Variants in HCN1 observed in about 807,000 individuals in gnomAD.
HCN1 encodes potassium/sodium hyperpolarization-activated cyclic nucleotide-gated channel 1.
HCN1 carries 13 observed loss-of-function variants against 78.9 expected under a neutral mutation model. That is an observed-to-expected ratio of 0.16 (90% CI 0.11 to 0.26). The LOEUF is 0.26. Ranked by LOEUF, HCN1 falls within the 10% of genes least tolerant of loss-of-function variation. The pLI, the probability that HCN1 is intolerant of heterozygous loss-of-function variation, is 1.00. For synonymous variants in HCN1, 552 were observed against 455.5 expected (o/e 1.21, Z -2.70); for missense variants, 810 against 1,154.3 (o/e 0.70, Z 4.32).
chr5:45,336,683 C>T (rs1293605122), intron 5 of HCN1, among the ~76,000 whole-genome samples: 4 of 151,892 alleles, frequency 2.6e-5, no homozygotes. Flanking sequence ...GACTGGGTGG[C>T]TTATGAATAA....
intron 6 of HCN1, among the ~76,000 whole-genome samples, chr5:45,270,751 C>T (rs1001157021): frequency 6.6e-6 from 1 of 151,928 alleles, no homozygotes; most frequent in Non-Finnish European, 1.5e-5. Flanking sequence ...TTACAAAGAG[C>T]ATGTGTTTAT....
chr5:45,667,653 T>C (rs1236930406), intron 1 of HCN1, among the ~76,000 whole-genome samples: 1 of 152,036 alleles, frequency 6.6e-6, no homozygotes, highest in African/African-American at 2.4e-5. Flanking sequence ...CTGCAAGTTA[T>C]AAACTCAAAC....
chr5:45,373,702 C>T (rs1196758161), intron 4 of HCN1, among the ~76,000 whole-genome samples: 11 of 116,896 alleles, frequency 9.4e-5, no homozygotes, highest in Admixed American at 3.3e-4. Flanking sequence ...ACGGTATATA[C>T]GTCATCTATA....
chr5:45,379,371 G>T (rs1055769699), intron 4 of HCN1, among the ~76,000 whole-genome samples: 44 of 152,030 alleles, frequency 2.9e-4, no homozygotes, highest in Non-Finnish European at 5.6e-4. Context: ...ATTTTTCATG[G>T]TCTCTGAATT....
intron 2 of HCN1, chr5:45,558,776 T>G (rs1743529081): frequency 6.6e-6 from 1 of 152,010 alleles, no homozygotes; most frequent in African/African-American, 2.4e-5. Flanking sequence ...TAGTATTTAT[T>G]TATTTATTTA....
intron 5 of HCN1, among the ~76,000 whole-genome samples, chr5:45,306,863 G>A (rs1745745423): frequency 6.6e-6 from 1 of 152,016 alleles, no homozygotes; most frequent in South Asian, 2.1e-4. Flanking sequence ...TGCTTGCTAA[G>A]GAAGGCAAAC....
intron 1 of HCN1, 26 bp downstream of exon 1, chr5:45,695,643 G>C (rs756164873): frequency 6.2e-7 from 1 of 1,606,476 alleles, no homozygotes; most frequent in South Asian, 1.1e-5. Context: ...TGAAGGGAGG[G>C]TGGGGCGGCG....
At chr5:45,504,153 AG>A (rs754971194) in intron 2 of HCN1, among the ~76,000 whole-genome samples, 7 of 152,056 alleles carry the variant, frequency 4.6e-5, no homozygotes, top group African/African-American at 4.8e-5. Flanking sequence ...CACAATGTGC[AG>A]GTTTGTTACA....
intron 2 of HCN1, among the ~76,000 whole-genome samples, chr5:45,567,558 TACACACACACACAC>T (rs36230541): frequency 2.0e-4 from 26 of 133,024 alleles, no homozygotes; most frequent in African/African-American, 4.5e-4. Flanking sequence ...CATTTTAGGC[TACACACACACACAC>T]ACACACACAC....
At chr5:45,346,534 C>T (rs1299323905) in intron 5 of HCN1, among the ~76,000 whole-genome samples, 3 of 152,066 alleles carry the variant, frequency 2.0e-5, no homozygotes, top group East Asian at 1.9e-4. Flanking sequence ...GTGCAGTGCA[C>T]CATGAGCGAG....
chr5:45,373,320 A>G (rs1747473706), intron 4 of HCN1, among the ~76,000 whole-genome samples: 1 of 118,806 alleles, frequency 8.4e-6, no homozygotes, highest in South Asian at 2.4e-4. Flanking sequence ...TATATAAAAT[A>G]TATATTTCAT....
chr5:45,661,204 A>G (rs1217832224), intron 1 of HCN1, among the ~76,000 whole-genome samples: 11 of 131,176 alleles, frequency 8.4e-5, no homozygotes, highest in Non-Finnish European at 1.3e-4. Flanking sequence ...CTGAATGACT[A>G]CTGGGTACAT....
At chr5:45,405,561 A>T (rs910957665) in intron 3 of HCN1, among the ~76,000 whole-genome samples, 1 of 152,054 alleles carries the variant, frequency 6.6e-6, no homozygotes, top group African/African-American at 2.4e-5. Flanking sequence ...ACGTGCACCA[A>T]CATGACCAGC....
chr5:45,624,314 C>T (rs1745122136), intron 2 of HCN1, among the ~76,000 whole-genome samples: 1 of 152,146 alleles, frequency 6.6e-6, no homozygotes, highest in African/African-American at 2.4e-5. Flanking sequence ...ATGGTGGCTC[C>T]ATACAATAGT....
intron 3 of HCN1, among the ~76,000 whole-genome samples, chr5:45,452,225 G>C (rs1740933217): frequency 6.6e-6 from 1 of 151,828 alleles, no homozygotes; most frequent in Non-Finnish European, 1.5e-5. Context: ...ATGAGATACT[G>C]GATGTAGAAC....
At chr5:45,472,639 G>T (rs1464337898) in intron 2 of HCN1, among the ~76,000 whole-genome samples, 1 of 93,584 alleles carries the variant, frequency 1.1e-5, no homozygotes, top group Non-Finnish European at 2.1e-5. Flanking sequence ...GGGGGAGGGA[G>T]GGAGGGAGAA....
intron 7 of HCN1, 115 bp downstream of exon 7, chr5:45,266,974 G>C: frequency 1.1e-6 from 1 of 901,816 alleles, no homozygotes; most frequent in Non-Finnish European, 1.8e-6. Flanking sequence ...CTCCCAAAGT[G>C]ATGGGATTAC....
At chr5:45,526,323 A>C (rs1452052089) in intron 2 of HCN1, among the ~76,000 whole-genome samples, 2 of 151,980 alleles carry the variant, frequency 1.3e-5, no homozygotes, top group East Asian at 3.9e-4. Context: ...AGGATAAGGG[A>C]GACTCCTTTA....
intron 3 of HCN1, among the ~76,000 whole-genome samples, chr5:45,416,748 C>T (rs1486859001): frequency 1.1e-4 from 16 of 151,886 alleles, no homozygotes; most frequent in Admixed American, 1.1e-3. Flanking sequence ...AGATTGTATT[C>T]AATATGCTCA....
Sources: allele counts gnomAD v4.1 joint callset (sites outside exome capture counted in the v4.1 genomes callset), GRCh38; gene constraint gnomAD v4.1.1; transcripts MANE v1.5; gene names NCBI Gene and HGNC (gene_info 2026-07-23, HGNC 2026-07-21).